The following RPS20 variants were observed in gnomAD, a reference collection of about 807,000 sequenced individuals.
The protein encoded by RPS20 is small ribosomal subunit protein uS10.
RPS20 carries 3 observed loss-of-function variants against 15.3 expected under a neutral mutation model. The ratio of observed to expected loss-of-function variants is 0.20; its 90% CI spans 0.09 to 0.51. The LOEUF is 0.51. Ranked by LOEUF, RPS20 falls within the 20% of genes least tolerant of loss-of-function variation. The probability of loss-of-function intolerance (pLI) is 0.96; values close to 1 mark genes in which losing one functional copy is unlikely to be tolerated. For synonymous variants in RPS20, 62 were observed against 47.8 expected, an observed-to-expected ratio of 1.30 and a Z score of -1.23; for missense variants, 67 against 145.9, an observed-to-expected ratio of 0.46 and a Z score of 2.79.
chr8:56,073,919 G>C (rs747544423), intron 2 of RPS20, 141 bp downstream of exon 2: 1 of 1,082,788 alleles, frequency 9.2e-7, no homozygotes, highest in Non-Finnish European at 1.4e-6. Context: ...GACAGTAAAA[G>C]CAATTTTAAG....
At chr8:56,071,089 G>T (rs1228966285), downstream of RPS20, among the ~76,000 whole-genome samples, 2 of 152,158 alleles carry the variant, frequency 1.3e-5, no homozygotes, top group Non-Finnish European at 2.9e-5. Context: ...TGTAATACAG[G>T]TTCTCAATTA....
At chr8:56,072,925 T>G (rs889319169), downstream of RPS20, 27 of 1,373,970 alleles carry the variant, frequency 2.0e-5, no homozygotes, top group South Asian at 4.4e-4. Flanking sequence ...TTCAAATGAC[T>G]CAAACGACAA....
At position 56,073,593 on chromosome 8, in the gene RPS20, G is replaced by GC. The variant is rs370462443; in HGVS notation, c.177+101dup. 19 of 900,256 alleles carry GC rather than the reference G, an allele frequency of 2.1e-5. No individual in the cohort carries two copies. The African/African-American group carries it at 2.9e-4, about 14-fold the overall frequency. The allele number at this position is 900,256 out of a possible 1,614,324, so 55.8% of individuals were successfully genotyped here. A position where few individuals can be genotyped will look rare whatever the true frequency, so the allele number is the denominator to read the frequency against. On this transcript the variant is annotated intron_variant, in intron 3 of 3. Coordinates refer to ENST00000009589, the MANE Select transcript of RPS20 (RefSeq NM_001023.4). Reference sequence around the variant, plus strand: ...CGATTTCTATGTGCGTTTGTAGACAGCATCAGTGTTAACAATTTTGGCAGC... The same window carrying GC: ...CGATTTCTATGTGCGTTTGTAGACAGCCATCAGTGTTAACAATTTTGGCAGC...
chr8:56,070,134 G>A (rs1809710597), downstream of RPS20, among the ~76,000 whole-genome samples: 2 of 149,056 alleles, frequency 1.3e-5, no homozygotes, highest in South Asian at 4.2e-4. Context: ...TCGTGGGCCA[G>A]CTAGAGCACA....
exon 6 of RPS20, chr8:56,067,461 G>C (rs187370998): frequency 6.6e-6 from 1 of 152,116 alleles, no homozygotes; most frequent in African/African-American, 2.4e-5. Flanking sequence ...CGAGACGAGC[G>C]AATCACGAGG....
At chr8:56,069,687 G>A (rs984557349), downstream of RPS20, 12 of 1,492,346 alleles carry the variant, frequency 8.0e-6, no homozygotes, top group Non-Finnish European at 8.2e-6. Context: ...AGCTTTGGCT[G>A]TTTCTCCACT....
downstream of RPS20, among the ~76,000 whole-genome samples, chr8:56,068,807 C>CT (rs61576194): frequency 0.016 from 436 of 27,692 alleles, 182 homozygotes; most frequent in Non-Finnish European, 0.019. Context: ...GTGAAAATAT[C>CT]TTTTTTTTTT....
At chr8:56,073,961 T>A in intron 2 of RPS20, 99 bp downstream of exon 2, 1 of 1,186,472 alleles carries the variant, frequency 8.4e-7, no homozygotes, top group Non-Finnish European at 1.3e-6. Flanking sequence ...AACTTGTCAC[T>A]TTAGTTCTTG....
downstream of RPS20, chr8:56,069,961 C>T: frequency 3.0e-6 from 2 of 664,382 alleles, no homozygotes; most frequent in Non-Finnish European, 5.5e-6. Flanking sequence ...TTAGGTATTA[C>T]AAGTAATCTA....
At position 56,073,551 on chromosome 8, in the gene RPS20, G is replaced by C. The variant is rs28420596; in HGVS notation, c.177+144C>G. ...TATCTAAACATTAGCTACTTACTAG[G>C]AACCGCAATCTACCACCGATTTCTA... On this transcript the variant is annotated intron_variant, in intron 3 of 3. Transcript: ENST00000009589. The C allele has an allele frequency of 1.4e-5, 10 of 727,174 alleles. No homozygotes were observed. In the Admixed American group the frequency reaches 2.2e-4, roughly 16 times the overall value. 45.0% of individuals were successfully genotyped at this position (727,174 alleles called of 1,614,324 possible).
In RPS20 at chr8:56,073,228, A is replaced by G. The variant is rs1585722654; in HGVS notation, c.222T>C (p.Ser74=). 1 of 1,607,166 alleles carries G rather than the reference A, an allele frequency of 6.2e-7. No homozygotes were observed. ...TTRKTPCGEG[S]KTWDRFQMRI... is the part of the protein sequence containing the mutation. ...TCATCTGGAAACGATCCCACGTCTTAGAACCTTCACCACAAGGAGTTTTTC... is the reference window on the plus strand; with the variant it reads ...TCATCTGGAAACGATCCCACGTCTTGGAACCTTCACCACAAGGAGTTTTTC... Residue 74 remains serine, a synonymous_variant, in exon 4 of 4, where the codon TCT becomes TCC. Transcript: ENST00000009589.
downstream of RPS20, chr8:56,069,641 C>T: frequency 9.3e-7 from 1 of 1,080,258 alleles, no homozygotes; most frequent in Non-Finnish European, 1.4e-6. Flanking sequence ...CATTTGCATC[C>T]ACTGAAGTAC....
At chr8:56,069,677 A>G (rs1175404349), downstream of RPS20, 2 of 1,398,506 alleles carry the variant, frequency 1.4e-6, no homozygotes, top group Non-Finnish European at 2.0e-6. Context: ...AATACACTTC[A>G]GCTTTGGCTG....
chr8:56,074,397 G>A lies in RPS20; in HGVS notation c.-14C>T. ...CCGCCTCACCATGGCTGTTGCGCGCGGGCTTCCTGACCGACTTGTTCCTCG... is the reference window on the plus strand; with the variant it reads ...CCGCCTCACCATGGCTGTTGCGCGCAGGCTTCCTGACCGACTTGTTCCTCG... On this transcript the variant is annotated 5_prime_UTR_variant, in exon 1 of 4. Transcript: ENST00000009589. 6.4e-7 allele frequency: 1 copy of A among 1,558,690 alleles called. No individual in the cohort carries two copies. Among genetic ancestry groups the A allele is most frequent in the Non-Finnish European group, 8.6e-7 (1 of 1,158,064 alleles).
chr8:56,074,225 G>A (rs1420527925), intron 1 of RPS20, 66 bp from the exon 2 acceptor site: 6 of 1,526,678 alleles, frequency 3.9e-6, no homozygotes, highest in Non-Finnish European at 4.5e-6. Flanking sequence ...GAGAAAGGCA[G>A]CTTCCGGAAG....
exon 6 of RPS20, chr8:56,067,389 AAG>A (rs1809640037): frequency 6.6e-6 from 1 of 151,322 alleles, no homozygotes; most frequent in Non-Finnish European, 1.5e-5. Flanking sequence ...AGCCTTAAAA[AAG>A]AAGAAAAATC....
downstream of RPS20, among the ~76,000 whole-genome samples, chr8:56,070,604 G>A (rs563664555): frequency 6.6e-6 from 1 of 152,192 alleles, no homozygotes; most frequent in African/African-American, 2.4e-5. Context: ...CAAGGTGTGA[G>A]CCTGTAGTCC....
downstream of RPS20, among the ~76,000 whole-genome samples, chr8:56,069,304 CTCGAT>C (rs1809690058): frequency 6.6e-6 from 1 of 151,860 alleles, no homozygotes; most frequent in Non-Finnish European, 1.5e-5. Flanking sequence ...GTGCAGTGGA[CTCGAT>C]CCACTGCACT....
chr8:56,073,637 T>C, intron 3 of RPS20, 58 bp downstream of exon 3: 1 of 1,447,150 alleles, frequency 6.9e-7, no homozygotes. Context: ...TTAAAGAACC[T>C]GAATTTATGC....
Sources: gnomAD v4.1 joint callset for allele counts (sites outside exome capture counted in the v4.1 genomes callset) on GRCh38, gnomAD v4.1.1 for gene constraint, MANE v1.5 for transcripts, NCBI Gene and HGNC (gene_info 2026-07-23, HGNC 2026-07-21) for gene names.